HECW1: variants seen among roughly 807,000 people sequenced by gnomAD.
HECW1 encodes E3 ubiquitin-protein ligase HECW1.
A neutral mutation model predicts 182.3 loss-of-function variants in HECW1; 61 were observed. The ratio of observed to expected loss-of-function variants is 0.33; its 90% CI spans 0.27 to 0.41. The LOEUF is 0.41. HECW1 is among the 10% of genes least tolerant of loss of function. HECW1 has a pLI of 1.00. For synonymous variants in HECW1, 859 were observed against 832.6 expected, an observed-to-expected ratio of 1.03 and a Z score of -0.55; for missense variants, 1,739 against 2,108.9, an observed-to-expected ratio of 0.82 and a Z score of 3.44.
chr7:43,496,751 C>T (rs1317379374), intron 19 of HECW1, among the ~76,000 whole-genome samples: 1 of 152,076 alleles, frequency 6.6e-6, no homozygotes, highest in African/African-American at 2.4e-5. Context: ...AGAAAACTGT[C>T]CAGTTGACAG....
chr7:43,431,298 C>A (rs1011287258), intron 8 of HECW1, among the ~76,000 whole-genome samples: 1 of 152,216 alleles, frequency 6.6e-6, no homozygotes, highest in Non-Finnish European at 1.5e-5. Context: ...CCTCTATTTC[C>A]ATCATTCTGT....
intron 3 of HECW1, among the ~76,000 whole-genome samples, chr7:43,309,175 T>A (rs548935210): frequency 1.3e-5 from 2 of 152,082 alleles, no homozygotes; most frequent in East Asian, 3.9e-4. Flanking sequence ...GTTCCACTCT[T>A]GGGAATGGGA....
In HECW1 at chr7:43,564,752, A is replaced by G. The variant is rs2152968179; in HGVS notation, c.*2826A>G. 1 of 179,836 alleles carries G rather than the reference A, an allele frequency of 5.6e-6. No homozygotes were observed. Among genetic ancestry groups the G allele is most frequent in the Admixed American group, 6.3e-5 (1 of 15,900 alleles). The allele number at this position is 179,836 out of a possible 1,614,324, so 11.1% of individuals were successfully genotyped here. ...TTTATAAGGCTGATTTTTAAATTAT[A>G]TATAATTTTTCATTCAATATGTATA... On this transcript the variant is annotated 3_prime_UTR_variant, in exon 30 of 30. Coordinates refer to ENST00000395891, the MANE Select transcript of HECW1 (RefSeq NM_015052.5).
intron 2 of HECW1, among the ~76,000 whole-genome samples, chr7:43,219,869 T>A (rs1437275239): frequency 6.6e-6 from 1 of 152,138 alleles, no homozygotes; most frequent in Non-Finnish European, 1.5e-5. Context: ...TGAGGGGTGG[T>A]ATCCTCCCTT....
chr7:43,225,032 T>C (rs1797299345), intron 2 of HECW1, among the ~76,000 whole-genome samples: 1 of 151,938 alleles, frequency 6.6e-6, no homozygotes, highest in South Asian at 2.1e-4. Context: ...AGAAATGACA[T>C]GATTAGATTG....
intron 2 of HECW1, among the ~76,000 whole-genome samples, chr7:43,196,227 T>A (rs1262410104): frequency 6.6e-6 from 1 of 152,186 alleles, no homozygotes; most frequent in Non-Finnish European, 1.5e-5. Context: ...TCTCCAATAC[T>A]GTTAGGAGAT....
chr7:43,398,505 C>T (rs1414255664), intron 7 of HECW1, among the ~76,000 whole-genome samples: 3 of 152,210 alleles, frequency 2.0e-5, no homozygotes, highest in Non-Finnish European at 4.4e-5. Flanking sequence ...AGTACATGTG[C>T]CTCCTTGGGA....
chr7:43,113,780 G>T (rs1784831571), intron 1 of HECW1: 1 of 228,684 alleles, frequency 4.4e-6, no homozygotes, highest in Non-Finnish European at 8.7e-6. Flanking sequence ...AAACAATGTG[G>T]CCCCTCCATC....
chr7:43,559,669 C>G (rs1027632920), intron 29 of HECW1, among the ~76,000 whole-genome samples: 2 of 152,062 alleles, frequency 1.3e-5, no homozygotes, highest in Non-Finnish European at 2.9e-5. Flanking sequence ...AGAAGTCTTC[C>G]AAGCCCTGGT....
At position 43,306,290 on chromosome 7, in the gene HECW1, TTCTG is replaced by T. The variant is rs112917465; in HGVS notation, c.28-5467_28-5464del. 8.3e-3 allele frequency among the ~76,000 whole-genome samples: 1,268 copies of T among 152,354 alleles called. 14 individuals are homozygous for T. Among genetic ancestry groups the T allele is most frequent in the African/African-American group, 0.029 (1,220 of 41,570 alleles). On this transcript the variant is annotated intron_variant, in intron 3 of 29. Coordinates refer to ENST00000395891, the MANE Select transcript of HECW1 (RefSeq NM_015052.5). ...TTCCTTCATATTGCTACTTCCTGAT[TTCTG>T]TCTGTTTTGTATTTTCCTATTTTAT...
chr7:43,231,826 C>G (rs1323972419), intron 2 of HECW1, among the ~76,000 whole-genome samples: 1 of 151,476 alleles, frequency 6.6e-6, no homozygotes, highest in Non-Finnish European at 1.5e-5. Context: ...ACCATCCTGG[C>G]TAACACAGTG....
intron 6 of HECW1, among the ~76,000 whole-genome samples, chr7:43,379,730 C>G (rs1460884182): frequency 6.6e-6 from 1 of 152,114 alleles, no homozygotes; most frequent in Non-Finnish European, 1.5e-5. Context: ...TTCACTCCCT[C>G]CCCCCATTTA....
intron 24 of HECW1, among the ~76,000 whole-genome samples, chr7:43,519,490 C>T (rs372876167): frequency 5.9e-5 from 9 of 152,274 alleles, no homozygotes; most frequent in Non-Finnish European, 5.9e-5. Flanking sequence ...ATGATTGGCC[C>T]GTCTCGGCCT....
chr7:43,114,248 A>C lies in HECW1; in HGVS notation c.-175A>C, dbSNP rs1784865372. The C allele has an allele frequency of 2.9e-6, 4 of 1,363,134 alleles. No individual in the cohort carries two copies. Among genetic ancestry groups the C allele is most frequent in the Non-Finnish European group, 3.9e-6 (4 of 1,034,856 alleles). 84.4% of individuals were successfully genotyped at this position (1,363,134 alleles called of 1,614,324 possible). ...CATCTTCTCTCTTTTCCTGGGATTT[A>C]AACGCGATTTAGGAGGGCAGATGCC... On this transcript the variant is annotated 5_prime_UTR_variant, in exon 2 of 30. Coordinates refer to ENST00000395891, the MANE Select transcript of HECW1 (RefSeq NM_015052.5).
At chr7:43,521,573 G>C (rs530795071) in intron 24 of HECW1, among the ~76,000 whole-genome samples, 1 of 152,286 alleles carries the variant, frequency 6.6e-6, no homozygotes, top group African/African-American at 2.4e-5. Context: ...CCAAGGTGAT[G>C]GTATTAAGAA....
At chr7:43,204,697 T>C (rs1795301747) in intron 2 of HECW1, among the ~76,000 whole-genome samples, 1 of 151,938 alleles carries the variant, frequency 6.6e-6, no homozygotes, top group African/African-American at 2.4e-5. Flanking sequence ...GAGACAAAGG[T>C]GGTATGTGCT....
rs1205794612 is a variant in HECW1 at position 43,485,874 on chromosome 7, T to C, written c.3234+6130T>C. On this transcript the variant is annotated intron_variant, in intron 17 of 29. Transcript: ENST00000395891. ...GGCTACACTAAATTTTTTTTATTATTATACTTTAAGTTCTGGGGTACATGT... is the reference window on the plus strand; with the variant it reads ...GGCTACACTAAATTTTTTTTATTATCATACTTTAAGTTCTGGGGTACATGT... 2.0e-5 allele frequency among the ~76,000 whole-genome samples: 3 copies of C among 152,276 alleles called. No homozygotes were observed. The East Asian group carries it at 5.8e-4, about 29-fold the overall frequency.
chr7:43,552,073 A>T (rs2152959622), intron 27 of HECW1, 149 bp from the exon 28 acceptor site: 4 of 630,602 alleles, frequency 6.3e-6, no homozygotes, highest in Non-Finnish European at 1.2e-5. Flanking sequence ...AGATCATAGC[A>T]ATAATTTTCA....
At chr7:43,384,710 T>A (rs951537825) in intron 6 of HECW1, among the ~76,000 whole-genome samples, 3 of 152,214 alleles carry the variant, frequency 2.0e-5, no homozygotes, top group Admixed American at 2.0e-4. Context: ...CTCACATGAA[T>A]GAGCCATGTC....
Sources: allele counts gnomAD v4.1 joint callset (sites outside exome capture counted in the v4.1 genomes callset), GRCh38; gene constraint gnomAD v4.1.1; transcripts MANE v1.5; gene names NCBI Gene and HGNC (gene_info 2026-07-23, HGNC 2026-07-21).